DPP10: variants seen among roughly 807,000 people sequenced by gnomAD.
DPP10 encodes inactive dipeptidyl peptidase 10.
Under a neutral mutation model 120.9 loss-of-function variants are expected in DPP10, and 33 were observed. The observed-to-expected ratio is 0.27, with a 90% CI of 0.21 to 0.37. The LOEUF (loss-of-function observed/expected upper bound fraction) is 0.37. Ranked by LOEUF, DPP10 falls within the 10% of genes least tolerant of loss-of-function variation. The pLI is 1.00. For missense variants in DPP10, 816 were observed against 942.8 expected (o/e 0.87, Z 1.76); for synonymous variants, 337 against 326.1 (o/e 1.03, Z -0.36).
intron 1 of DPP10, among the ~76,000 whole-genome samples, chr2:114,753,834 G>A (rs1036052847): frequency 2.0e-5 from 3 of 149,654 alleles, no homozygotes; most frequent in Non-Finnish European, 4.4e-5. Context: ...GCATGAACCC[G>A]GGAGGGGGAG....
intron 1 of DPP10, among the ~76,000 whole-genome samples, chr2:114,579,930 T>C (rs1690362657): frequency 6.6e-6 from 1 of 152,184 alleles, no homozygotes; most frequent in Non-Finnish European, 1.5e-5. Flanking sequence ...AGGCAGCTGT[T>C]GCATTCTAAA....
intron 1 of DPP10, among the ~76,000 whole-genome samples, chr2:114,678,112 T>G (rs1470394069): frequency 6.6e-6 from 1 of 152,114 alleles, no homozygotes; most frequent in East Asian, 1.9e-4. Context: ...AGAGTAGAAA[T>G]TAAACAAATG....
chr2:115,421,934 A>C (rs887315552), intron 3 of DPP10, among the ~76,000 whole-genome samples: 1 of 151,598 alleles, frequency 6.6e-6, no homozygotes, highest in African/African-American at 2.4e-5. Context: ...TTTCTATTTG[A>C]AACTTTCCTT....
chr2:114,513,622 A>G (rs1287964449), intron 1 of DPP10, among the ~76,000 whole-genome samples: 5 of 138,264 alleles, frequency 3.6e-5, no homozygotes, highest in South Asian at 4.7e-4. Flanking sequence ...GGAAGGGAGG[A>G]AAAAGAAAGA....
chr2:115,562,694 C>A (rs1210803617), intron 5 of DPP10, among the ~76,000 whole-genome samples: 8 of 152,104 alleles, frequency 5.3e-5, no homozygotes, highest in Non-Finnish European at 1.0e-4. Flanking sequence ...CAGTCATTTG[C>A]TTATTTTTAT....
At chr2:114,555,254 T>C (rs989091655) in intron 1 of DPP10, among the ~76,000 whole-genome samples, 1 of 152,168 alleles carries the variant, frequency 6.6e-6, no homozygotes, top group Non-Finnish European at 1.5e-5. Context: ...TCCTTGCTTG[T>C]GGCAGGACAT....
chr2:115,331,427 C>G (rs1306092862), intron 2 of DPP10, among the ~76,000 whole-genome samples: 2 of 152,144 alleles, frequency 1.3e-5, no homozygotes, highest in African/African-American at 4.8e-5. Context: ...TTCCTCCTGC[C>G]TGATTGCCCT....
intron 1 of DPP10, among the ~76,000 whole-genome samples, chr2:114,542,642 TGTGACCCTGG>T (rs1488669579): frequency 4.6e-5 from 7 of 152,220 alleles, no homozygotes; most frequent in South Asian, 2.1e-4. Flanking sequence ...TTGCTAGCCG[TGTGACCCTGG>T]GTGTCTACTT....
chr2:115,289,782 C>T (rs764163344), intron 1 of DPP10, among the ~76,000 whole-genome samples: 14 of 152,058 alleles, frequency 9.2e-5, no homozygotes, highest in Admixed American at 4.6e-4. Context: ...GTTCTGGGAA[C>T]ACTGGATAGC....
At chr2:114,913,229 C>T (rs1467606827) in intron 1 of DPP10, among the ~76,000 whole-genome samples, 1 of 152,148 alleles carries the variant, frequency 6.6e-6, no homozygotes, top group Non-Finnish European at 1.5e-5. Context: ...CACAGCCTTC[C>T]CCCATCGGCG....
chr2:115,109,397 G>C (rs987195700), intron 1 of DPP10, among the ~76,000 whole-genome samples: 5 of 152,044 alleles, frequency 3.3e-5, no homozygotes, highest in African/African-American at 1.2e-4. Context: ...TTAGCTGGGC[G>C]TGGTGGCGGG....
At chr2:115,423,521 T>C (rs843380) in intron 3 of DPP10, among the ~76,000 whole-genome samples, 4,693 of 152,222 alleles carry the variant, frequency 0.031, 240 homozygotes, top group African/African-American at 0.11. Context: ...GCTGTTTCTG[T>C]CTGTGGAAAA....
intron 19 of DPP10, among the ~76,000 whole-genome samples, chr2:115,800,961 A>G (rs1281009234): frequency 2.7e-4 from 41 of 152,158 alleles, no homozygotes; most frequent in Middle Eastern, 3.4e-3. Flanking sequence ...GTTTTTTCCA[A>G]TTCTGTGAAG....
intron 5 of DPP10, among the ~76,000 whole-genome samples, chr2:115,584,895 T>A (rs2082198859): frequency 6.6e-6 from 1 of 152,244 alleles, no homozygotes; most frequent in African/African-American, 2.4e-5. Context: ...CATGCCTTTG[T>A]CTGCCAGTTG....
rs73949011 is a variant in DPP10 at position 114,768,206 on chromosome 2, A to G, written c.60+325368A>G. 8.9e-3 allele frequency among the ~76,000 whole-genome samples: 1,359 copies of G among 152,200 alleles called. 21 individuals carry two copies. The highest frequency in any genetic ancestry group is 0.031 in the African/African-American group (1,291 of 41,534). ...ATATACCAAGCAAAATGAGATTGATATAAAGACATTTTCTGGTAGATAAAA... is the reference window on the plus strand; with the variant it reads ...ATATACCAAGCAAAATGAGATTGATGTAAAGACATTTTCTGGTAGATAAAA... On this transcript the variant is annotated intron_variant, in intron 1 of 25. Coordinates refer to ENST00000410059, the MANE Select transcript of DPP10 (RefSeq NM_020868.6).
At chr2:115,295,207 A>G (rs1035822706) in intron 1 of DPP10, among the ~76,000 whole-genome samples, 1 of 152,064 alleles carries the variant, frequency 6.6e-6, no homozygotes, top group Non-Finnish European at 1.5e-5. Context: ...GAATGGAAAC[A>G]CTGACTGGCT....
intron 1 of DPP10, among the ~76,000 whole-genome samples, chr2:115,185,618 T>A (rs2054382070): frequency 6.6e-6 from 1 of 152,174 alleles, no homozygotes; most frequent in Non-Finnish European, 1.5e-5. Flanking sequence ...TGTAAATTTC[T>A]GAGGAAAATT....
At chr2:114,877,752 A>G (rs1691273611) in intron 1 of DPP10, among the ~76,000 whole-genome samples, 2 of 151,906 alleles carry the variant, frequency 1.3e-5, no homozygotes, top group Admixed American at 6.6e-5. Context: ...TGTGGGTGGG[A>G]CCCTGTGGAG....
At chr2:115,581,547 A>G (rs2082003542) in intron 5 of DPP10, among the ~76,000 whole-genome samples, 1 of 152,160 alleles carries the variant, frequency 6.6e-6, no homozygotes. Flanking sequence ...ACTCTGTTAT[A>G]CAAAATAACT....
Sources: allele counts gnomAD v4.1 joint callset (sites outside exome capture counted in the v4.1 genomes callset), GRCh38; gene constraint gnomAD v4.1.1; transcripts MANE v1.5; gene names NCBI Gene and HGNC (gene_info 2026-07-23, HGNC 2026-07-21).